The following FAAP20 variants were observed in gnomAD, a reference collection of about 807,000 sequenced individuals.
The protein encoded by FAAP20 is Fanconi anemia core complex-associated protein 20.
In FAAP20, 12 loss-of-function variants were observed where a neutral mutation model predicts 16.2. The ratio of observed to expected loss-of-function variants is 0.74; its 90% CI spans 0.48 to 1.20. The LOEUF is 1.20. Ranked by LOEUF, FAAP20 falls within the 50% of genes most tolerant of loss-of-function variation. The pLI is 0.00. For missense variants in FAAP20, 288 were observed against 245.8 expected (o/e 1.17, Z -1.15); for synonymous variants, 141 against 110.7 (o/e 1.27, Z -1.72).
At chr1:2,193,520 A>T in intron 3 of FAAP20, 119 bp downstream of exon 3, 1 of 1,447,674 alleles carries the variant, frequency 6.9e-7, no homozygotes, top group Non-Finnish European at 9.2e-7. Flanking sequence ...CCACCTTTCC[A>T]GTGTGAAACA....
chr1:2,194,173 G>A, intron 1 of FAAP20, 40 bp from the exon 2 acceptor site: 1 of 1,608,406 alleles, frequency 6.2e-7, no homozygotes, highest in East Asian at 2.2e-5. Flanking sequence ...GTACTCAGTA[G>A]CGGAAACGCT....
At chr1:2,198,436 G>A (rs1042376351), upstream of FAAP20, 18 of 374,082 alleles carry the variant, frequency 4.8e-5, no homozygotes, top group Non-Finnish European at 6.8e-5. Flanking sequence ...CAGGCTGGCC[G>A]TAGGTCAGGG....
chr1:2,200,887 C>A (rs1193433769), upstream of FAAP20: 1 of 1,086,916 alleles, frequency 9.2e-7, no homozygotes, highest in South Asian at 2.2e-5. Flanking sequence ...TGGCTGGGAC[C>A]CCCTCGGGAG....
intron 2 of FAAP20, chr1:2,206,493 A>G (rs1449909709): frequency 1.3e-5 from 2 of 152,292 alleles, no homozygotes; most frequent in Non-Finnish European, 2.9e-5. Context: ...AGAAGTGGGA[A>G]AAGGTCGCTC....
chr1:2,185,064 T>C, downstream of FAAP20: 1 of 1,494,414 alleles, frequency 6.7e-7, no homozygotes, highest in Non-Finnish European at 9.2e-7. Context: ...ACTGTATCCT[T>C]AACCACCGCA....
rs941418935 is a variant in FAAP20, at chr1:2,190,007, G to A, written c.471-226C>T. 58 of 611,576 alleles carry A rather than the reference G, an allele frequency of 9.5e-5. 1 individual carries two copies. Among genetic ancestry groups the A allele is most frequent in the Non-Finnish European group, 1.5e-4 (49 of 334,870 alleles). 37.9% of individuals were successfully genotyped at this position (611,576 alleles called of 1,614,324 possible). A position where few individuals can be genotyped will look rare whatever the true frequency, so the allele number is the denominator to read the frequency against. Reference sequence around the variant, plus strand: ...TGAGGAGGCCACGCCAGGCCCCTGCGTCCGAGCTGGGGGTGGGGAAGCTGT... The same window carrying A: ...TGAGGAGGCCACGCCAGGCCCCTGCATCCGAGCTGGGGGTGGGGAAGCTGT... On this transcript the variant is annotated intron_variant, in intron 3 of 3. Coordinates refer to ENST00000378546, the MANE Select transcript of FAAP20 (RefSeq NM_182533.4).
upstream of FAAP20, among the ~76,000 whole-genome samples, chr1:2,196,083 C>T (rs1182862899): frequency 6.6e-6 from 1 of 152,164 alleles, no homozygotes; most frequent in Admixed American, 6.5e-5. This position sits in a 1 kb window ranked among gnomAD's most constrained non-coding sequence, Gnocchi z 4.5. Context: ...TCTCTGCAGC[C>T]CCACGTCCAC....
chr1:2,186,471 C>A (rs547384484), downstream of FAAP20, among the ~76,000 whole-genome samples: 1 of 151,224 alleles, frequency 6.6e-6, no homozygotes, highest in East Asian at 1.9e-4. Flanking sequence ...GGCCCATTCC[C>A]CCCGGCCCGA....
At chr1:2,207,968 G>A (rs1027461260), downstream of FAAP20, among the ~76,000 whole-genome samples, 6 of 152,060 alleles carry the variant, frequency 3.9e-5, no homozygotes, top group African/African-American at 9.7e-5. Flanking sequence ...GTGCGCGCGC[G>A]CATGCGTGCA....
At chr1:2,189,891 G>A in intron 3 of FAAP20, 110 bp from the exon 4 acceptor site, 2 of 890,554 alleles carry the variant, frequency 2.2e-6, no homozygotes, top group South Asian at 2.8e-5. Context: ...AGAGGATCCG[G>A]CTGGTCAGAA....
chr1:2,198,528 T>A (rs1344657663), upstream of FAAP20: 4 of 548,770 alleles, frequency 7.3e-6, no homozygotes, highest in South Asian at 2.0e-5. Flanking sequence ...CAAATGTTCA[T>A]CTCTGCCCAG....
At chr1:2,184,612 C>T, downstream of FAAP20, 4 of 1,614,048 alleles carry the variant, frequency 2.5e-6, no homozygotes, top group Non-Finnish European at 3.4e-6. Context: ...TCCCTCCATT[C>T]CAGCCACAGA....
At chr1:2,192,277 G>A (rs1329609375) in intron 3 of FAAP20, 3 of 986,230 alleles carry the variant, frequency 3.0e-6, no homozygotes, top group Admixed American at 6.1e-5. Flanking sequence ...CCTCGGGTGA[G>A]TTCCGGTTCC....
At chr1:2,197,954 G>C (rs775158933), upstream of FAAP20, 33 of 1,263,576 alleles carry the variant, frequency 2.6e-5, 1 homozygote, top group South Asian at 4.2e-4. Flanking sequence ...GAAGGGGACC[G>C]GCCACTCAAG....
chr1:2,194,835 T>G (rs987093906), upstream of FAAP20: 31 of 897,286 alleles, frequency 3.5e-5, no homozygotes, highest in Admixed American at 2.9e-3. Flanking sequence ...CCTCCAGACC[T>G]CTGCAGCGAG....
rs200582608 is a variant in FAAP20 at position 2,193,599 on chromosome 1, G to C, written c.470+40C>G. The C allele has an allele frequency of 1.6e-4, 255 of 1,577,196 alleles. 2 individuals are homozygous for C. In the Middle Eastern group the frequency reaches 2.0e-3, roughly 13 times the overall value. The stretch of plus-strand genomic sequence containing the variant: ...CTGAACGGCTGTGGTTTCCAAACAC[G>C]GATGGATAACCGGGCCGGGCGCAGG... On this transcript the variant is annotated intron_variant, in intron 3 of 3. Coordinates refer to ENST00000378546, the MANE Select transcript of FAAP20 (RefSeq NM_182533.4).
At chr1:2,198,044 G>A, upstream of FAAP20, 2 of 1,291,534 alleles carry the variant, frequency 1.5e-6, no homozygotes, top group South Asian at 2.5e-5. Context: ...GCATGACACA[G>A]CGGTGCTGGT....
At chr1:2,203,599 G>C (rs1383669374), upstream of FAAP20, 1 of 985,966 alleles carries the variant, frequency 1.0e-6, no homozygotes, top group Middle Eastern at 5.2e-4. Flanking sequence ...ACATTTCTCA[G>C]AAGGACTCCA....
At chr1:2,209,091 G>A (rs977652432), downstream of FAAP20, among the ~76,000 whole-genome samples, 11 of 152,178 alleles carry the variant, frequency 7.2e-5, no homozygotes, top group Non-Finnish European at 1.5e-5. Flanking sequence ...AGCAAAGCTG[G>A]AGGTCAACAG....
Sources: gnomAD v4.1 joint callset for allele counts (sites outside exome capture counted in the v4.1 genomes callset) on GRCh38, gnomAD v4.1.1 for gene constraint, Gnocchi (gnomAD v3.1) non-coding constraint, MANE v1.5 for transcripts, NCBI Gene and HGNC (gene_info 2026-07-23, HGNC 2026-07-21) for gene names.